OSBPL10: variants seen among roughly 807,000 people sequenced by gnomAD.
OSBPL10 encodes the protein oxysterol-binding protein-related protein 10.
In OSBPL10, 49 loss-of-function variants were observed where a neutral mutation model predicts 81.7. The observed-to-expected ratio is 0.60, with a 90% CI of 0.48 to 0.76. The LOEUF (loss-of-function observed/expected upper bound fraction) is 0.76, where lower values mean the gene tolerates loss of function less well. Ranked by LOEUF, OSBPL10 falls within the 30% of genes least tolerant of loss-of-function variation. The pLI, the probability that OSBPL10 is intolerant of heterozygous loss-of-function variation, is 0.00. For synonymous variants in OSBPL10, 419 were observed against 383.6 expected, an observed-to-expected ratio of 1.09 and a Z score of -1.08; for missense variants, 923 against 987.8, an observed-to-expected ratio of 0.93 and a Z score of 0.88.
intron 1 of OSBPL10, among the ~76,000 whole-genome samples, chr3:31,892,148 G>A (rs552076801): frequency 6.6e-6 from 1 of 152,108 alleles, no homozygotes; most frequent in Admixed American, 6.5e-5. Context: ...TGAAGAAATG[G>A]ACTCGGGGAA....
intron 3 of OSBPL10, among the ~76,000 whole-genome samples, chr3:31,852,989 T>C (rs1049499528): frequency 6.6e-6 from 1 of 152,174 alleles, no homozygotes; most frequent in Non-Finnish European, 1.5e-5. Flanking sequence ...GTGCCCCACA[T>C]AGTAGGCAGT....
rs1697867345 is a variant in OSBPL10, at chr3:31,951,453, A to C, written c.281+29446T>G. On this transcript the variant is annotated intron_variant, in intron 1 of 11. Coordinates refer to ENST00000396556, the MANE Select transcript of OSBPL10 (RefSeq NM_017784.5). ...ACTTGAAACTCAAGAGTTAGTGGTT[A>C]CCTAAAAGAGGGGAGGAAAGGATTG... 2.0e-5 allele frequency among the ~76,000 whole-genome samples: 3 copies of C among 152,152 alleles called. No individual in the cohort carries two copies. The South Asian group carries it at 6.2e-4, about 32-fold the overall frequency.
intron 3 of OSBPL10, among the ~76,000 whole-genome samples, chr3:31,841,419 A>C (rs949915773): frequency 2.6e-5 from 4 of 152,240 alleles, no homozygotes; most frequent in African/African-American, 9.6e-5. Context: ...AAGACAGGGG[A>C]TCTTTAGCAG....
intron 1 of OSBPL10, among the ~76,000 whole-genome samples, chr3:31,905,558 C>T (rs1302320444): frequency 6.6e-6 from 1 of 151,810 alleles, no homozygotes; most frequent in Non-Finnish European, 1.5e-5. Context: ...CCATGTTGGC[C>T]AGGCTGCTCT....
At chr3:31,826,219 AAGAC>A (rs1700097666) in intron 4 of OSBPL10, among the ~76,000 whole-genome samples, 1 of 152,204 alleles carries the variant, frequency 6.6e-6, no homozygotes, top group African/African-American at 2.4e-5. Flanking sequence ...TTGTAGCAAA[AAGAC>A]AATCTGCAGC....
chr3:31,941,420 T>C lies in OSBPL10; in HGVS notation c.281+39479A>G, dbSNP rs1488729507. On this transcript the variant is annotated intron_variant, in intron 1 of 11. Transcript: ENST00000396556. ...GATACGAAAGTGGTCACTTTTTCAG[T>C]TGATTTAAGCAGAGGCAAGAGTTAG... Among the ~76,000 whole-genome samples the C allele has an allele frequency of 2.0e-5, 3 of 152,202 alleles. No individual in the cohort carries two copies. In the East Asian group the frequency reaches 5.8e-4, roughly 29 times the overall value.
chr3:31,695,610 C>G (rs190630549), intron 7 of OSBPL10, among the ~76,000 whole-genome samples: 1 of 152,350 alleles, frequency 6.6e-6, no homozygotes, highest in African/African-American at 2.4e-5. Context: ...TCCAGCCCCT[C>G]ACATTCTGTA....
At chr3:31,774,751 T>C (rs76425576) in intron 4 of OSBPL10, among the ~76,000 whole-genome samples, 94,111 of 150,822 alleles carry the variant, frequency 0.62, 31,156 homozygotes, top group East Asian at 0.79. Context: ...GACCTCATGA[T>C]GGGACCGCCT....
At chr3:31,979,437 G>A (rs1025812621) in intron 1 of OSBPL10, among the ~76,000 whole-genome samples, 52 of 152,254 alleles carry the variant, frequency 3.4e-4, no homozygotes, top group African/African-American at 1.2e-3. Context: ...GCAGATAACT[G>A]GCTGATATGT....
chr3:31,754,759 T>C (rs995791908), intron 4 of OSBPL10, among the ~76,000 whole-genome samples: 44 of 152,248 alleles, frequency 2.9e-4, no homozygotes, highest in Middle Eastern at 3.4e-3. Flanking sequence ...AATAAACAAA[T>C]GGGCATGGCT....
At chr3:31,801,672 C>A (rs1418927632) in intron 4 of OSBPL10, among the ~76,000 whole-genome samples, 6 of 152,172 alleles carry the variant, frequency 3.9e-5, no homozygotes, top group Non-Finnish European at 7.3e-5. Flanking sequence ...GCAAGCAGGA[C>A]CTGTGTCCAT....
intron 6 of OSBPL10, among the ~76,000 whole-genome samples, chr3:31,725,762 G>C (rs1184549568): frequency 6.6e-6 from 1 of 152,162 alleles, no homozygotes; most frequent in African/African-American, 2.4e-5. Context: ...GAAGCCACAG[G>C]GAAGAGCACA....
intron 5 of OSBPL10, among the ~76,000 whole-genome samples, chr3:31,735,067 G>C (rs1697110186): frequency 6.6e-6 from 1 of 152,236 alleles, no homozygotes; most frequent in East Asian, 1.9e-4. Flanking sequence ...TGCAGTATTA[G>C]CCAACTCAAG....
chr3:31,822,614 C>T (rs1475578326), intron 4 of OSBPL10, among the ~76,000 whole-genome samples: 2 of 151,946 alleles, frequency 1.3e-5, no homozygotes, highest in Admixed American at 1.3e-4. Flanking sequence ...AATAACTAGA[C>T]ATAGAAAAGT....
At chr3:31,822,294 T>C (rs1395358549) in intron 4 of OSBPL10, 1 of 152,214 alleles carries the variant, frequency 6.6e-6, no homozygotes, top group East Asian at 1.9e-4. Flanking sequence ...GGATAATTCC[T>C]ATTTGTTTAT....
At chr3:32,026,053 TAGATGATAGATA>T (rs749141888) in intron 2 of OSBPL10, among the ~76,000 whole-genome samples, 31 of 119,464 alleles carry the variant, frequency 2.6e-4, no homozygotes, top group Non-Finnish European at 3.8e-4. Flanking sequence ...GATAGATAGA[TAGATGATAGATA>T]GATAGATAGA....
At chr3:31,823,345 A>C (rs1461620576) in intron 4 of OSBPL10, among the ~76,000 whole-genome samples, 1 of 152,234 alleles carries the variant, frequency 6.6e-6, no homozygotes, top group African/African-American at 2.4e-5. Flanking sequence ...AGATGCAAAG[A>C]TGAATAAGAT....
intron 7 of OSBPL10, among the ~76,000 whole-genome samples, chr3:31,690,112 A>G (rs995488249): frequency 6.6e-6 from 1 of 152,076 alleles, no homozygotes; most frequent in Non-Finnish European, 1.5e-5. Context: ...TTGTGTCCCC[A>G]CCCAAGTCTC....
chr3:31,839,244 T>A (rs1700436044), intron 3 of OSBPL10, among the ~76,000 whole-genome samples: 1 of 152,190 alleles, frequency 6.6e-6, no homozygotes, highest in Non-Finnish European at 1.5e-5. Flanking sequence ...GGAAAAGACA[T>A]ACATACCACC....
Sources: gnomAD v4.1 joint callset for allele counts (sites outside exome capture counted in the v4.1 genomes callset) on GRCh38, gnomAD v4.1.1 for gene constraint, MANE v1.5 for transcripts, NCBI Gene and HGNC (gene_info 2026-07-23, HGNC 2026-07-21) for gene names.